GALNT10: variants seen among roughly 807,000 people sequenced by gnomAD.
The protein encoded by GALNT10 is polypeptide N-acetylgalactosaminyltransferase 10, also known as GalNAc transferase 10.
GALNT10 carries 41 observed loss-of-function variants against 75.0 expected under a neutral mutation model. That is an observed-to-expected ratio of 0.55 (90% CI 0.43 to 0.71). The LOEUF (loss-of-function observed/expected upper bound fraction) is 0.71, where lower values mean the gene tolerates loss of function less well. GALNT10 is among the 30% of genes least tolerant of loss of function. The probability of loss-of-function intolerance (pLI) is 0.00; values close to 1 mark genes in which losing one functional copy is unlikely to be tolerated. For synonymous variants in GALNT10, 302 were observed against 313.0 expected, an observed-to-expected ratio of 0.96 and a Z score of 0.37; for missense variants, 727 against 818.5, an observed-to-expected ratio of 0.89 and a Z score of 1.36.
At chr5:154,362,470 G>A (rs1200182575) in intron 4 of GALNT10, among the ~76,000 whole-genome samples, 4 of 151,958 alleles carry the variant, frequency 2.6e-5, no homozygotes, top group Non-Finnish European at 5.9e-5. Context: ...AAATTACAGG[G>A]GTAGATAAAA....
chr5:154,258,183 C>T (rs1753644753), intron 1 of GALNT10, among the ~76,000 whole-genome samples: 1 of 152,122 alleles, frequency 6.6e-6, no homozygotes, highest in South Asian at 2.1e-4. Context: ...TGCCACCTTT[C>T]CCTCCTCTCC....
chr5:154,398,168 A>AGGGAAACAAGCTG, intron 7 of GALNT10, among the ~76,000 whole-genome samples: 1 of 152,128 alleles, frequency 6.6e-6, no homozygotes. Flanking sequence ...GAAACAAGCT[A>AGGGAAACAAGCTG]GCAGGATATG....
At chr5:154,243,439 C>A (rs556820865) in intron 1 of GALNT10, among the ~76,000 whole-genome samples, 1 of 152,314 alleles carries the variant, frequency 6.6e-6, no homozygotes, top group Non-Finnish European at 1.5e-5. Context: ...CCCACATAAG[C>A]AACTTTCCCT....
rs532231070 is a variant in GALNT10, at chr5:154,390,760, C to A, written c.1056+4330C>A. On this transcript the variant is annotated intron_variant, in intron 7 of 11. Coordinates refer to ENST00000297107, the MANE Select transcript of GALNT10 (RefSeq NM_198321.4). ...GAGAAAGATTTGCACAAAGGAATTT[C>A]TAAACCAGCCCAAAATGATTTCATT... is the stretch of plus-strand genomic sequence containing the variant. 2.5e-4 allele frequency among the ~76,000 whole-genome samples: 38 copies of A among 152,342 alleles called. No individual in the cohort carries two copies. In the South Asian group the frequency reaches 7.5e-3, roughly 30 times the overall value.
At chr5:154,327,459 A>C (rs1754772137) in intron 3 of GALNT10, among the ~76,000 whole-genome samples, 1 of 152,258 alleles carries the variant, frequency 6.6e-6, no homozygotes, top group South Asian at 2.1e-4. Context: ...AGAAGCTATC[A>C]GTACTCTGAT....
chr5:154,214,226 C>T (rs936025463), intron 1 of GALNT10, among the ~76,000 whole-genome samples: 1 of 151,240 alleles, frequency 6.6e-6, no homozygotes, highest in African/African-American at 2.4e-5. Flanking sequence ...CTCCAAAAAT[C>T]AAGCACAAAA....
Position 154,297,937 on chromosome 5 carries a change from C to T in GALNT10, c.263-4C>T, listed in dbSNP as rs1194077259. The T allele has an allele frequency of 6.2e-7, 1 of 1,612,418 alleles. No individual in the cohort carries two copies. On this transcript the variant is annotated splice_polypyrimidine_tract_variant and splice_region_variant and intron_variant, in intron 2 of 11. Transcript: ENST00000297107. ...GCAACATCGAATTTGCTCTTTGCTT[C>T]TAGGAAATGGAGAACAAGGAAGACC... is the stretch of plus-strand genomic sequence containing the variant.
At chr5:154,283,301 G>A (rs77105718) in intron 1 of GALNT10, among the ~76,000 whole-genome samples, 22,113 of 86,296 alleles carry the variant, frequency 0.26, 2,006 homozygotes, top group Non-Finnish European at 0.29. Context: ...AAAAAAAAAA[G>A]CCAGGTGTGG....
chr5:154,403,651 A>C (rs778847477), intron 7 of GALNT10: 91 of 195,300 alleles, frequency 4.7e-4, no homozygotes, highest in Middle Eastern at 2.2e-3. Context: ...GGTCTTTCCC[A>C]CTGATCCCCC....
In GALNT10 at chr5:154,386,491, G is replaced by C. The variant is rs1326559673; in HGVS notation, c.1056+61G>C. 5 of 1,049,142 alleles carry C rather than the reference G, an allele frequency of 4.8e-6. No individual in the cohort carries two copies. The Admixed American group carries it at 8.5e-5, about 18-fold the overall frequency. The allele number at this position is 1,049,142 out of a possible 1,614,324, so 65.0% of individuals were successfully genotyped here. A position where few individuals can be genotyped will look rare whatever the true frequency, so the allele number is the denominator to read the frequency against. ...AGCCTCCTGAGTGCCTGTCCCAGTA[G>C]GTGTCTCAGCTTCTGCCTGAGCTTG... On this transcript the variant is annotated intron_variant, in intron 7 of 11. Transcript: ENST00000297107.
rs1221829031 is a variant in GALNT10 at position 154,419,855 on chromosome 5, G to A, written c.*2883G>A. 1 of 152,248 alleles carries A rather than the reference G, an allele frequency of 6.6e-6. No individual in the cohort carries two copies. The highest frequency in any genetic ancestry group is 2.4e-5 in the African/African-American group (1 of 41,462). The allele number at this position is 152,248 out of a possible 1,614,324, so 9.4% of individuals were successfully genotyped here. A position where few individuals can be genotyped will look rare whatever the true frequency, so the allele number is the denominator to read the frequency against. ...GAGCATATGGAGATGCTGACAGCCA[G>A]GTAATGGGTGAGACTGTGGGGTCCC... is the stretch of plus-strand genomic sequence containing the variant. On this transcript the variant is annotated 3_prime_UTR_variant, in exon 12 of 12. Coordinates refer to ENST00000297107, the MANE Select transcript of GALNT10 (RefSeq NM_198321.4).
At chr5:154,346,666 A>G (rs1335660350) in intron 4 of GALNT10, among the ~76,000 whole-genome samples, 1 of 152,010 alleles carries the variant, frequency 6.6e-6, no homozygotes, top group Non-Finnish European at 1.5e-5. Flanking sequence ...ATGACCAGCA[A>G]CTCTCCTATA....
chr5:154,343,659 C>T (rs1755068505), intron 4 of GALNT10, among the ~76,000 whole-genome samples: 1 of 152,170 alleles, frequency 6.6e-6, no homozygotes, highest in Admixed American at 6.5e-5. Context: ...CCTGCCTGGT[C>T]CTCGGTCAGA....
chr5:154,266,094 A>G (rs955215822), intron 1 of GALNT10, among the ~76,000 whole-genome samples: 1 of 152,228 alleles, frequency 6.6e-6, no homozygotes, highest in African/African-American at 2.4e-5. Flanking sequence ...GTGGCAAAAT[A>G]TATGTAACAT....
At chr5:154,383,729 CGGTAG>C (rs1755767250) in intron 6 of GALNT10, among the ~76,000 whole-genome samples, 1 of 152,158 alleles carries the variant, frequency 6.6e-6, no homozygotes, top group Admixed American at 6.5e-5. Flanking sequence ...CCTTTCCAAG[CGGTAG>C]ATTTGTGGCT....
At chr5:154,211,368 T>C (rs2113648527) in intron 1 of GALNT10, among the ~76,000 whole-genome samples, 1 of 152,308 alleles carries the variant, frequency 6.6e-6, no homozygotes, top group South Asian at 2.1e-4. Flanking sequence ...CCTTGGTGAT[T>C]TTTGACCAAA....
At chr5:154,310,225 A>G (rs909374320) in intron 3 of GALNT10, among the ~76,000 whole-genome samples, 1 of 152,112 alleles carries the variant, frequency 6.6e-6, no homozygotes, top group Non-Finnish European at 1.5e-5. Context: ...CATGTGGTAG[A>G]GCAAGCTCGC....
chr5:154,349,139 G>A (rs149133268), intron 4 of GALNT10, among the ~76,000 whole-genome samples: 2 of 151,924 alleles, frequency 1.3e-5, no homozygotes. Context: ...ATCAGGAAAG[G>A]CTTCCTAGAT....
intron 1 of GALNT10, among the ~76,000 whole-genome samples, chr5:154,226,333 A>G (rs1753064739): frequency 6.6e-6 from 1 of 152,158 alleles, no homozygotes; most frequent in Non-Finnish European, 1.5e-5. Flanking sequence ...CAGACCTTCC[A>G]AGGGGAATCA....
Sources: gnomAD v4.1 joint callset for allele counts (sites outside exome capture counted in the v4.1 genomes callset) on GRCh38, gnomAD v4.1.1 for gene constraint, MANE v1.5 for transcripts, NCBI Gene and HGNC (gene_info 2026-07-23, HGNC 2026-07-21) for gene names.